The following TSNARE1 variants were observed in gnomAD, a reference collection of about 807,000 sequenced individuals.
The protein encoded by TSNARE1 is t-SNARE domain-containing protein 1.
In TSNARE1, 49 loss-of-function variants were observed where a neutral mutation model predicts 62.0. That is an observed-to-expected ratio of 0.79 (90% CI 0.63 to 1.00). The LOEUF (loss-of-function observed/expected upper bound fraction) is 1.00. Ranked by LOEUF, TSNARE1 falls within the 50% of genes least tolerant of loss-of-function variation. The pLI is 0.00. For synonymous variants in TSNARE1, 328 were observed against 294.4 expected, an observed-to-expected ratio of 1.11 and a Z score of -1.17; for missense variants, 755 against 700.1, an observed-to-expected ratio of 1.08 and a Z score of -0.88.
At chr8:142,254,549 T>C (rs1196015216) in intron 12 of TSNARE1, among the ~76,000 whole-genome samples, 1 of 152,204 alleles carries the variant, frequency 6.6e-6, no homozygotes, top group Non-Finnish European at 1.5e-5. Context: ...CCTCTCATGT[T>C]CTTCCCTGAG....
intron 1 of TSNARE1, among the ~76,000 whole-genome samples, chr8:142,395,480 G>A (rs1472017529): frequency 6.6e-6 from 1 of 152,198 alleles, no homozygotes; most frequent in Non-Finnish European, 1.5e-5. Context: ...TGCGGAGTCA[G>A]CGCAGCAGGT....
chr8:142,306,327 T>TC, intron 9 of TSNARE1, among the ~76,000 whole-genome samples: 1 of 152,200 alleles, frequency 6.6e-6, no homozygotes. Context: ...AAGCAGGTCT[T>TC]CACTTCTGCA....
chr8:142,274,939 C>G (rs1820202760), intron 11 of TSNARE1, 76 bp from the exon 12 acceptor site: 1 of 1,415,740 alleles, frequency 7.1e-7, no homozygotes, highest in African/African-American at 1.5e-5. Context: ...CCCCCAAAGG[C>G]AAGCCCAGGG....
intron 4 of TSNARE1, among the ~76,000 whole-genome samples, chr8:142,341,586 T>A (rs997360398): frequency 6.6e-6 from 1 of 152,126 alleles, no homozygotes; most frequent in African/African-American, 2.4e-5. Flanking sequence ...GGACACAGGC[T>A]AGGACAGCAC....
chr8:142,399,372 G>A (rs1276139119), intron 1 of TSNARE1, among the ~76,000 whole-genome samples: 2 of 152,224 alleles, frequency 1.3e-5, no homozygotes, highest in Non-Finnish European at 1.5e-5. Flanking sequence ...CTGGATGGAC[G>A]TTCAGAGACG....
intron 9 of TSNARE1, among the ~76,000 whole-genome samples, chr8:142,313,209 C>T (rs571279428): frequency 1.5e-4 from 23 of 149,776 alleles, no homozygotes; most frequent in Non-Finnish European, 2.5e-4. Context: ...TTTATCTGCA[C>T]GTGTCTGCGT....
intron 1 of TSNARE1, among the ~76,000 whole-genome samples, chr8:142,369,577 G>A (rs866105099): frequency 2.5e-4 from 38 of 152,298 alleles, no homozygotes; most frequent in African/African-American, 8.7e-4. Flanking sequence ...TATGTGAAAG[G>A]TCCCAGTAGA....
intron 13 of TSNARE1, among the ~76,000 whole-genome samples, chr8:142,214,121 G>A (rs1172763213): frequency 6.6e-6 from 1 of 152,212 alleles, no homozygotes; most frequent in Non-Finnish European, 1.5e-5. Flanking sequence ...TCAGGGACTG[G>A]CCGACTCTGA....
chr8:142,227,342 C>T (rs1171037475), intron 13 of TSNARE1, among the ~76,000 whole-genome samples: 1 of 111,746 alleles, frequency 8.9e-6, no homozygotes, highest in Admixed American at 8.3e-5. Context: ...GCCAGGACCC[C>T]CATCCTGCCC....
intron 6 of TSNARE1, among the ~76,000 whole-genome samples, chr8:142,328,113 T>C (rs942494909): frequency 9.9e-5 from 15 of 152,172 alleles, no homozygotes; most frequent in African/African-American, 3.6e-4. Flanking sequence ...CTCTTCAAAG[T>C]TTCCCTTCTT....
chr8:142,298,726 A>G (rs1274769135), intron 10 of TSNARE1, among the ~76,000 whole-genome samples: 4 of 152,114 alleles, frequency 2.6e-5, no homozygotes, highest in Admixed American at 2.0e-4. Context: ...ACGACACTCT[A>G]TGCCCCACAG....
chr8:142,386,222 A>G (rs944356911), intron 1 of TSNARE1, among the ~76,000 whole-genome samples: 4 of 152,196 alleles, frequency 2.6e-5, no homozygotes, highest in Non-Finnish European at 5.9e-5. Context: ...ACATGATCAC[A>G]GGTGTTAGGG....
chr8:142,259,991 C>T (rs1043086864), intron 12 of TSNARE1, among the ~76,000 whole-genome samples: 2 of 151,932 alleles, frequency 1.3e-5, no homozygotes, highest in African/African-American at 2.4e-5. Context: ...CAGGTGCCCT[C>T]GGGCCGCAGA....
chr8:142,323,107 G>A (rs761048428), intron 6 of TSNARE1, among the ~76,000 whole-genome samples: 4 of 152,164 alleles, frequency 2.6e-5, no homozygotes, highest in Non-Finnish European at 5.9e-5. Flanking sequence ...GGCTGATGAC[G>A]ATATTGTTAT....
At chr8:142,217,939 A>G (rs369899405) in intron 13 of TSNARE1, among the ~76,000 whole-genome samples, 3 of 34,786 alleles carry the variant, frequency 8.6e-5, no homozygotes, top group African/African-American at 4.9e-4. Flanking sequence ...CAGGGCTCAG[A>G]GTATGAGCAG....
At chr8:142,371,534 T>A (rs569444257) in intron 1 of TSNARE1, among the ~76,000 whole-genome samples, 1 of 152,224 alleles carries the variant, frequency 6.6e-6, no homozygotes, top group African/African-American at 2.4e-5. Flanking sequence ...AAGGCTGACA[T>A]CACAAAAACA....
At chr8:142,406,044 G>C (rs1263305673), upstream of TSNARE1, 1 of 152,274 alleles carries the variant, frequency 6.6e-6, no homozygotes, top group Admixed American at 6.5e-5. Flanking sequence ...GAGCCTCCTG[G>C]TCCTTTGGAA....
intron 1 of TSNARE1, among the ~76,000 whole-genome samples, chr8:142,399,170 C>A (rs1396714654): frequency 6.6e-6 from 1 of 152,248 alleles, no homozygotes. Flanking sequence ...TAGTGCCCTT[C>A]TTCTCTGCCA....
At chr8:142,263,573 C>A (rs1818995456) in intron 12 of TSNARE1, among the ~76,000 whole-genome samples, 1 of 152,178 alleles carries the variant, frequency 6.6e-6, no homozygotes, top group Non-Finnish European at 1.5e-5. Context: ...TTGTGTAAGA[C>A]TGGATTTCTT....
Sources: allele counts gnomAD v4.1 joint callset (sites outside exome capture counted in the v4.1 genomes callset), GRCh38; gene constraint gnomAD v4.1.1; transcripts MANE v1.5; gene names NCBI Gene and HGNC (gene_info 2026-07-23, HGNC 2026-07-21).